SCAMP5: variants seen among roughly 807,000 people sequenced by gnomAD.
SCAMP5 encodes the protein secretory carrier membrane protein 5.
A neutral mutation model predicts 28.3 loss-of-function variants in SCAMP5; 7 were observed. The observed-to-expected ratio is 0.25, with a 90% confidence interval of 0.14 to 0.46. The LOEUF (loss-of-function observed/expected upper bound fraction) is 0.46, where lower values mean the gene tolerates loss of function less well. Ranked by LOEUF, SCAMP5 falls within the 20% of genes least tolerant of loss-of-function variation. SCAMP5 has a pLI of 0.99. For missense variants in SCAMP5, 192 were observed against 312.5 expected (o/e 0.61, Z 2.91); for synonymous variants, 117 against 116.4 (o/e 1.00, Z -0.03).
intron 1 of SCAMP5, among the ~76,000 whole-genome samples, chr15:74,997,532 C>T (rs2065664418): frequency 2.0e-5 from 3 of 152,118 alleles, no homozygotes; most frequent in African/African-American, 7.2e-5. Context: ...ATGTATGCAG[C>T]GGGATGCAGA....
At chr15:75,001,269 CAAA>C (rs34325708) in intron 1 of SCAMP5, among the ~76,000 whole-genome samples, 7 of 58,170 alleles carry the variant, frequency 1.2e-4, no homozygotes, top group African/African-American at 2.8e-4. Context: ...AGCGAGACTC[CAAA>C]AAAAAAAAAA....
At chr15:75,001,694 C>A (rs1034638063) in intron 1 of SCAMP5, among the ~76,000 whole-genome samples, 2 of 151,812 alleles carry the variant, frequency 1.3e-5, no homozygotes, top group African/African-American at 4.8e-5. Flanking sequence ...CGTGGTGAAA[C>A]CCCGTCTCTA....
At chr15:75,011,682 T>G in intron 1 of SCAMP5, 110 bp from the exon 2 acceptor site, 1 of 475,448 alleles carries the variant, frequency 2.1e-6, no homozygotes, top group Non-Finnish European at 3.9e-6. Flanking sequence ...ACTGTGGGAG[T>G]ATGTGCTGGG....
intron 1 of SCAMP5, among the ~76,000 whole-genome samples, chr15:75,002,068 C>T (rs778684008): frequency 5.3e-5 from 8 of 151,676 alleles, no homozygotes; most frequent in Middle Eastern, 3.4e-3. Flanking sequence ...ATTGCACCAC[C>T]GCACTCCAGG....
chr15:75,012,843 G>A (rs375634785), intron 3 of SCAMP5, 38 bp downstream of exon 3: 2 of 1,611,800 alleles, frequency 1.2e-6, no homozygotes, highest in Non-Finnish European at 1.7e-6. Context: ...AGGGTGGCTG[G>A]AGGAGGCAGG....
intron 1 of SCAMP5, chr15:74,995,961 A>C (rs899686331): frequency 6.6e-6 from 1 of 152,206 alleles, no homozygotes; most frequent in Non-Finnish European, 1.5e-5. Context: ...CAGACCCTGG[A>C]TCTGGAGCCT....
chr15:75,018,454 C>T lies in SCAMP5; in HGVS notation c.432C>T (p.Asn144=), dbSNP rs747487314. The part of the protein sequence containing the change: ...WIATISFFGT[N]IGSAVVMLIP... ...CTACCATCTCCTTCTTCGGAACGAA[C>T]ATTGGCTCGGCGGTGGTGATGCTAA... The change falls in exon 6 of 7, where the codon AAC becomes AAT. Residue 144 remains asparagine (N), a synonymous_variant. Coordinates refer to ENST00000425597, the MANE Select transcript of SCAMP5 (RefSeq NM_138967.4). This position sits in a 1 kb window ranked among gnomAD's most constrained non-coding sequence, Gnocchi z 5.6. 3.1e-6 allele frequency: 5 copies of T among 1,613,814 alleles called. No individual in the cohort carries two copies. Among genetic ancestry groups the T allele is most frequent in the Non-Finnish European group, 4.2e-6 (5 of 1,179,722 alleles).
intron 4 of SCAMP5, 63 bp from the exon 5 acceptor site, chr15:75,017,807 C>A (rs1292063944): frequency 9.8e-7 from 1 of 1,017,340 alleles, no homozygotes; most frequent in Non-Finnish European, 1.6e-6. Context: ...GGCTTGGGGG[C>A]CTTGAAGGCA....
rs1000845156 is a variant in SCAMP5, at chr15:75,019,217, C to T, written c.*234C>T. 22 of 328,840 alleles carry T rather than the reference C, an allele frequency of 6.7e-5. No individual in the cohort carries two copies. The South Asian group carries it at 9.2e-4, about 14-fold the overall frequency. The allele number at this position is 328,840 out of a possible 1,614,324, so 20.4% of individuals were successfully genotyped here. A position where few individuals can be genotyped will look rare whatever the true frequency, so the allele number is the denominator to read the frequency against. On this transcript the variant is annotated 3_prime_UTR_variant, in exon 7 of 7. Coordinates refer to ENST00000425597, the MANE Select transcript of SCAMP5 (RefSeq NM_138967.4). Reference sequence around the variant, plus strand: ...GGGCTGCACGTGGAGCTGTCCCGTGCGGTAGTAGCTGTGTCTGTGTCCCCT... The same window carrying T: ...GGGCTGCACGTGGAGCTGTCCCGTGTGGTAGTAGCTGTGTCTGTGTCCCCT...
chr15:74,999,289 C>G (rs986158741), intron 1 of SCAMP5, among the ~76,000 whole-genome samples: 2 of 152,200 alleles, frequency 1.3e-5, no homozygotes, highest in African/African-American at 2.4e-5. Context: ...AACTCCATGC[C>G]CTCAACCACT....
chr15:75,011,900 A>G (rs766084251), intron 2 of SCAMP5, 54 bp downstream of exon 2: 2 of 1,514,914 alleles, frequency 1.3e-6, no homozygotes, highest in Non-Finnish European at 1.8e-6. Flanking sequence ...CATAGCGTGG[A>G]TGGCCCTCTT....
At position 74,996,753 on chromosome 15, in the gene SCAMP5, A is replaced by G. The variant is rs1353122027; in HGVS notation, c.-49+1080A>G. Reference sequence around the variant, plus strand: ...CACGGAGCAGGGCTCTGAAAGAGGGAGATGGTTCTTGCAGGGGCATGATTG... The same window carrying G: ...CACGGAGCAGGGCTCTGAAAGAGGGGGATGGTTCTTGCAGGGGCATGATTG... On this transcript the variant is annotated intron_variant, in intron 1 of 6. Transcript: ENST00000425597. The surrounding 1 kb of genome is among the most constrained non-coding windows in gnomAD (Gnocchi z 4.1). Among the ~76,000 whole-genome samples the G allele has an allele frequency of 6.6e-6, 1 of 152,072 alleles. No homozygotes were observed. Among genetic ancestry groups the G allele is most frequent in the Non-Finnish European group, 1.5e-5 (1 of 68,010 alleles).
At chr15:75,011,419 A>G (rs1230723088) in intron 1 of SCAMP5, among the ~76,000 whole-genome samples, 2 of 152,178 alleles carry the variant, frequency 1.3e-5, no homozygotes. Context: ...AAATGAACAA[A>G]GGCAAAAGGA....
At chr15:75,011,918 C>A in intron 2 of SCAMP5, 72 bp downstream of exon 2, 1 of 1,276,196 alleles carries the variant, frequency 7.8e-7, no homozygotes, top group South Asian at 1.2e-5. Flanking sequence ...CTTCCTGGTT[C>A]CCTTATCTCC....
rs2065876680 is a variant in SCAMP5 at position 75,018,375 on chromosome 15, C to T, written c.396-43C>T. The T allele has an allele frequency of 5.5e-6, 7 of 1,276,122 alleles. No homozygotes were observed. In the East Asian group the frequency reaches 1.4e-4, roughly 25 times the overall value. The allele number at this position is 1,276,122 out of a possible 1,614,324, so 79.0% of individuals were successfully genotyped here. A position where few individuals can be genotyped will look rare whatever the true frequency, so the allele number is the denominator to read the frequency against. On this transcript the variant is annotated intron_variant, in intron 5 of 6. Coordinates refer to ENST00000425597, the MANE Select transcript of SCAMP5 (RefSeq NM_138967.4). The surrounding 1 kb of genome is among the most constrained non-coding windows in gnomAD (Gnocchi z 5.6). ...TCCTCTAGCGGGGGGCTCCTGGGCACCTCTTATCCTGCCCGCAGCCCCACA... is the reference window on the plus strand; with the variant it reads ...TCCTCTAGCGGGGGGCTCCTGGGCATCTCTTATCCTGCCCGCAGCCCCACA...
chr15:75,005,886 G>T (rs887826334), intron 1 of SCAMP5, among the ~76,000 whole-genome samples: 2 of 149,398 alleles, frequency 1.3e-5, no homozygotes, highest in African/African-American at 5.0e-5. Context: ...TACCATGCCT[G>T]GTTATTTTTT....
intron 3 of SCAMP5, 126 bp from the exon 4 acceptor site, chr15:75,016,467 G>T: frequency 1.2e-6 from 1 of 814,150 alleles, no homozygotes; most frequent in Non-Finnish European, 2.0e-6. Context: ...CTGCGCTGTT[G>T]GCCTGGCTTG....
intron 1 of SCAMP5, among the ~76,000 whole-genome samples, chr15:75,002,623 T>G (rs1431555279): frequency 6.6e-6 from 1 of 151,974 alleles, no homozygotes; most frequent in East Asian, 1.9e-4. Flanking sequence ...CTCAGTGGCA[T>G]TATCACATTT....
intron 1 of SCAMP5, among the ~76,000 whole-genome samples, chr15:75,002,658 G>A (rs2065720690): frequency 6.6e-6 from 1 of 151,778 alleles, no homozygotes; most frequent in Non-Finnish European, 1.5e-5. Flanking sequence ...CCTGGCTATG[G>A]AGACTCCACG....
Sources: gnomAD v4.1 joint callset for allele counts (sites outside exome capture counted in the v4.1 genomes callset) on GRCh38, gnomAD v4.1.1 for gene constraint, Gnocchi (gnomAD v3.1) non-coding constraint, MANE v1.5 for transcripts, NCBI Gene and HGNC (gene_info 2026-07-23, HGNC 2026-07-21) for gene names.